MAGI2: variants seen among roughly 807,000 people sequenced by gnomAD.
MAGI2 encodes the protein membrane-associated guanylate kinase, WW and PDZ domain-containing protein 2.
Under a neutral mutation model 133.3 loss-of-function variants are expected in MAGI2, and 35 were observed. The ratio of observed to expected loss-of-function variants is 0.26; its 90% confidence interval spans 0.20 to 0.35. The LOEUF (loss-of-function observed/expected upper bound fraction) is 0.35, where lower values mean the gene tolerates loss of function less well. Among genes scored for constraint, MAGI2 ranks in the 10% least tolerant of loss-of-function variants. The pLI, the probability that MAGI2 is intolerant of heterozygous loss-of-function variation, is 1.00. For synonymous variants in MAGI2, 729 were observed against 710.6 expected (o/e 1.03, Z -0.41); for missense variants, 1,636 against 1,863.4 (o/e 0.88, Z 2.25).
chr7:78,563,727 C>T (rs1422637697), intron 3 of MAGI2, among the ~76,000 whole-genome samples: 1 of 152,172 alleles, frequency 6.6e-6, no homozygotes, highest in Non-Finnish European at 1.5e-5. Context: ...CATATCACAC[C>T]TTACAAATAA....
intron 1 of MAGI2, among the ~76,000 whole-genome samples, chr7:79,012,999 G>T (rs560850531): frequency 6.6e-4 from 100 of 152,152 alleles, no homozygotes; most frequent in African/African-American, 2.3e-3. Flanking sequence ...CTGTCAAATA[G>T]CCCCACCTCC....
At chr7:79,117,058 A>AT (rs1404369808) in intron 1 of MAGI2, among the ~76,000 whole-genome samples, 28 of 152,222 alleles carry the variant, frequency 1.8e-4, no homozygotes, top group African/African-American at 6.0e-4. Flanking sequence ...CTCAAAGCAC[A>AT]TTTGCTGAAT....
At chr7:79,172,811 T>A (rs1585114887) in intron 1 of MAGI2, 1 of 152,010 alleles carries the variant, frequency 6.6e-6, no homozygotes, top group African/African-American at 2.4e-5. Context: ...CTCTAGCCAA[T>A]GGAAAAAGGC....
chr7:78,722,469 A>G lies in MAGI2; in HGVS notation c.419-95230T>C, dbSNP rs77648538. ...AGGGTATATTCATAGTCACCTTTCC[A>G]TATTCAAATGTTACAAAATGAATTT... On this transcript the variant is annotated intron_variant, in intron 2 of 21. Transcript: ENST00000354212. 1.1e-4 allele frequency among the ~76,000 whole-genome samples: 16 copies of G among 152,178 alleles called. No individual in the cohort carries two copies. The East Asian group carries it at 3.1e-3, about 29-fold the overall frequency.
chr7:78,817,672 A>C (rs1296323915), intron 2 of MAGI2, among the ~76,000 whole-genome samples: 1 of 152,116 alleles, frequency 6.6e-6, no homozygotes, highest in Non-Finnish European at 1.5e-5. Context: ...TTTTTTAGAC[A>C]TAATGCAATT....
At chr7:78,780,329 CTA>C (rs767603807) in intron 2 of MAGI2, among the ~76,000 whole-genome samples, 1 of 152,194 alleles carries the variant, frequency 6.6e-6, no homozygotes, top group South Asian at 2.1e-4. Flanking sequence ...GCACCCCACT[CTA>C]TGTGTAGATT....
chr7:78,925,300 C>A (rs943107093), intron 2 of MAGI2, among the ~76,000 whole-genome samples: 1 of 151,960 alleles, frequency 6.6e-6, no homozygotes, highest in Admixed American at 6.6e-5. Context: ...ATGATTTCTG[C>A]CTACCAGATA....
chr7:78,711,973 T>A (rs1819239409), intron 2 of MAGI2, among the ~76,000 whole-genome samples: 1 of 152,188 alleles, frequency 6.6e-6, no homozygotes, highest in Non-Finnish European at 1.5e-5. Context: ...CTATCTTTCT[T>A]ATACACATTG....
chr7:78,127,306 T>A lies in MAGI2; in HGVS notation c.3314A>T (p.Asp1105Val). The A allele has an allele frequency of 2.5e-6, 4 of 1,610,402 alleles. No individual in the cohort carries two copies. The highest frequency in any genetic ancestry group is 2.2e-5 in the East Asian group (1 of 44,842). ...PLDYRQPPGG[D>V]YQQPPPLDYR... ...GTCCAAGGGTGGGGGCTGCTGGTAG[T>A]CCCCTCCTGGGGGTTGCCTGTAATC... Residue 1105 changes from aspartate (D) to valine (V), a missense_variant, in exon 19 of 22, where the codon GAC (aspartate) becomes GTC (valine). Physicochemically the swap from Asp to Val is radical, Grantham distance 152 (BLOSUM62 -3). This residue lies in a region of MAGI2 where 920 missense variants were observed against 1,093.5 expected (regional missense o/e 0.84). Transcript: ENST00000354212.
chr7:78,622,643 C>T (rs952839886), intron 3 of MAGI2, among the ~76,000 whole-genome samples: 12 of 151,874 alleles, frequency 7.9e-5, no homozygotes, highest in Non-Finnish European at 1.6e-4. Flanking sequence ...TAAGTGGTAG[C>T]CCTAGGTCTA....
chr7:78,538,236 A>G lies in MAGI2; in HGVS notation c.539-16591T>C, dbSNP rs147666121. On this transcript the variant is annotated intron_variant, in intron 3 of 21. Coordinates refer to ENST00000354212, the MANE Select transcript of MAGI2 (RefSeq NM_012301.4). ...GCTGTTTTGGTGACTATAGCCTTGTAGTATAGTTTGAGGTTGGGTAATGTG... is the reference window on the plus strand; with the variant it reads ...GCTGTTTTGGTGACTATAGCCTTGTGGTATAGTTTGAGGTTGGGTAATGTG... Among the ~76,000 whole-genome samples the G allele has an allele frequency of 2.6e-3, 391 of 152,222 alleles. 4 individuals are homozygous for G. The highest frequency in any genetic ancestry group is 1.5e-3 in the Non-Finnish European group (103 of 68,014).
intron 2 of MAGI2, among the ~76,000 whole-genome samples, chr7:78,969,178 G>A (rs1286089791): frequency 6.6e-6 from 1 of 152,004 alleles, no homozygotes; most frequent in Non-Finnish European, 1.5e-5. Flanking sequence ...GCGACCACCT[G>A]GTAGTAGCTG....
At position 78,394,539 on chromosome 7, in the gene MAGI2, C is replaced by A. The variant is rs529518269; in HGVS notation, c.1046-25326G>T. Among the ~76,000 whole-genome samples the A allele has an allele frequency of 3.9e-5, 6 of 152,276 alleles. No homozygotes were observed. In the East Asian group the frequency reaches 1.2e-3, roughly 29 times the overall value. Reference sequence around the variant, plus strand: ...TCTGCTTGGAGCCCACTTCTCACCCCCCTCTCCCATCTAACTCTTCTCTCT... The same window carrying A: ...TCTGCTTGGAGCCCACTTCTCACCCACCTCTCCCATCTAACTCTTCTCTCT... On this transcript the variant is annotated intron_variant, in intron 6 of 21. Transcript: ENST00000354212.
intron 3 of MAGI2, among the ~76,000 whole-genome samples, chr7:78,590,590 T>C (rs1293915960): frequency 6.6e-6 from 1 of 152,206 alleles, no homozygotes; most frequent in East Asian, 1.9e-4. Context: ...TCCTATTGCT[T>C]ATCATGGTTG....
chr7:79,206,969 T>C (rs1218462966), intron 1 of MAGI2, among the ~76,000 whole-genome samples: 1 of 151,928 alleles, frequency 6.6e-6, no homozygotes, highest in Admixed American at 6.6e-5. Flanking sequence ...AAAAGTGATA[T>C]AATTATTTAA....
intron 6 of MAGI2, chr7:78,485,142 A>C (rs1457874758): frequency 6.6e-6 from 1 of 152,052 alleles, no homozygotes; most frequent in Non-Finnish European, 1.5e-5. Flanking sequence ...TGAGAGGAGA[A>C]ATATGATGGG....
At chr7:79,113,104 C>T (rs538157481) in intron 1 of MAGI2, among the ~76,000 whole-genome samples, 1 of 152,264 alleles carries the variant, frequency 6.6e-6, no homozygotes, top group East Asian at 1.9e-4. Flanking sequence ...GGATCTGCTT[C>T]CAACACTTTA....
chr7:78,874,262 G>GA (rs1795249972), intron 2 of MAGI2, among the ~76,000 whole-genome samples: 1 of 151,804 alleles, frequency 6.6e-6, no homozygotes, highest in South Asian at 2.1e-4. Context: ...TTTCAAAATT[G>GA]AAAAAATAGA....
At chr7:78,472,512 G>C (rs1168095421) in intron 6 of MAGI2, among the ~76,000 whole-genome samples, 1 of 151,934 alleles carries the variant, frequency 6.6e-6, no homozygotes, top group Admixed American at 6.6e-5. Flanking sequence ...AAAATTTAAG[G>C]ATTGCACATT....
Sources: gnomAD v4.1 joint callset for allele counts (sites outside exome capture counted in the v4.1 genomes callset) on GRCh38, gnomAD v4.1.1 for gene constraint, gnomAD v4.1.1 regional missense constraint, MANE v1.5 for transcripts, NCBI Gene and HGNC (gene_info 2026-07-23, HGNC 2026-07-21) for gene names.